NKIRAS1: variants seen among roughly 807,000 people sequenced by gnomAD.
The protein encoded by NKIRAS1 is NF-kappa-B inhibitor-interacting Ras-like protein 1.
Under a neutral mutation model 19.8 loss-of-function variants are expected in NKIRAS1, and 16 were observed. That is an observed-to-expected ratio of 0.81 (90% CI 0.55 to 1.23). The LOEUF is 1.23. NKIRAS1 is among the 50% of genes most tolerant of loss of function. The pLI is 0.00. For synonymous variants in NKIRAS1, 88 were observed against 79.0 expected, an observed-to-expected ratio of 1.11 and a Z score of -0.61; for missense variants, 184 against 220.0, an observed-to-expected ratio of 0.84 and a Z score of 1.04.
chr3:23,896,933 C>T (rs1575065316), intron 4 of NKIRAS1, among the ~76,000 whole-genome samples: 1 of 151,710 alleles, frequency 6.6e-6, no homozygotes, highest in Admixed American at 6.6e-5. Flanking sequence ...GCTAGGCACA[C>T]GGTGGCTCAC....
intron 3 of NKIRAS1, among the ~76,000 whole-genome samples, chr3:23,902,733 G>C (rs1383045862): frequency 6.6e-6 from 1 of 152,154 alleles, no homozygotes; most frequent in Non-Finnish European, 1.5e-5. Flanking sequence ...CCACGCTGCT[G>C]GGCAACTACC....
At chr3:23,901,072 C>T (rs1202789047) in intron 3 of NKIRAS1, 23 bp from the exon 4 acceptor site, 7 of 1,610,900 alleles carry the variant, frequency 4.3e-6, no homozygotes, top group South Asian at 1.1e-5. Flanking sequence ...AAACAAATTA[C>T]TCTTTTTGGC....
intron 1 of NKIRAS1, among the ~76,000 whole-genome samples, chr3:23,928,467 T>C (rs1705248063): frequency 2.0e-5 from 3 of 151,994 alleles, no homozygotes; most frequent in Admixed American, 6.6e-5. Context: ...CATGTTTGGC[T>C]TGTACAGAAA....
rs1701595011 is a variant in NKIRAS1, at chr3:23,893,078, G to A, written c.*17C>T. The A allele has an allele frequency of 1.3e-6, 2 of 1,536,488 alleles. No homozygotes were observed. The highest frequency in any genetic ancestry group is 1.7e-6 in the Non-Finnish European group (2 of 1,146,032). ...GGCAATCACTATTCAACATACAATT[G>A]TGGAAATTACTGATTTTTAGTTCTC... On this transcript the variant is annotated 3_prime_UTR_variant, in exon 5 of 5. Transcript: ENST00000425478.
chr3:23,902,955 C>T (rs895212396), intron 3 of NKIRAS1, among the ~76,000 whole-genome samples: 6 of 152,228 alleles, frequency 3.9e-5, no homozygotes, highest in African/African-American at 1.2e-4. Context: ...TTATCCCCAT[C>T]CAGGGGAATC....
chr3:23,919,973 T>C (rs1704981338), upstream of NKIRAS1: 2 of 988,000 alleles, frequency 2.0e-6, no homozygotes, highest in Non-Finnish European at 2.4e-6. Flanking sequence ...TGCCTCAGCC[T>C]CCACAGTACC....
At chr3:23,893,367 C>G in intron 4 of NKIRAS1, 30 bp from the exon 5 acceptor site, 1 of 1,586,310 alleles carries the variant, frequency 6.3e-7, no homozygotes, top group South Asian at 1.1e-5. Context: ...AAAGATCATA[C>G]TAGTACTTTG....
At chr3:23,930,125 G>C (rs1362137431) in intron 1 of NKIRAS1, among the ~76,000 whole-genome samples, 1 of 152,152 alleles carries the variant, frequency 6.6e-6, no homozygotes, top group Admixed American at 6.6e-5. Flanking sequence ...AAGAATTACA[G>C]AACCCAGATC....
chr3:23,937,746 T>TA (rs952867068), intron 1 of NKIRAS1, among the ~76,000 whole-genome samples: 43 of 152,270 alleles, frequency 2.8e-4, no homozygotes, highest in African/African-American at 1.0e-3. Context: ...ATGCAGCACT[T>TA]AAAAAAATTC....
intron 3 of NKIRAS1, 108 bp downstream of exon 3, chr3:23,910,703 T>G: frequency 2.6e-6 from 2 of 755,940 alleles, no homozygotes; most frequent in Non-Finnish European, 4.6e-6. Flanking sequence ...CCCTCTGGAT[T>G]ATACCTCCCC....
At chr3:23,928,174 C>T (rs1170386643) in intron 1 of NKIRAS1, among the ~76,000 whole-genome samples, 1 of 151,474 alleles carries the variant, frequency 6.6e-6, no homozygotes, top group Non-Finnish European at 1.5e-5. Flanking sequence ...TAGCCCACAC[C>T]TGTAGTCTCA....
chr3:23,928,008 A>G (rs1470131721), intron 1 of NKIRAS1, among the ~76,000 whole-genome samples: 1 of 151,942 alleles, frequency 6.6e-6, no homozygotes, highest in East Asian at 1.9e-4. Flanking sequence ...GAGCCTGGGA[A>G]GTCGAAGCTA....
At chr3:23,924,294 C>T (rs1211146642) in intron 1 of NKIRAS1, 2 of 152,226 alleles carry the variant, frequency 1.3e-5, no homozygotes, top group African/African-American at 4.8e-5. Context: ...GTTTGCTTTA[C>T]AGTGGCTTTC....
Position 23,927,318 on chromosome 3 carries a change from G to A in NKIRAS1, c.-139-15868C>T, listed in dbSNP as rs1027151046. On this transcript the variant is annotated intron_variant, in intron 1 of 4. Transcript: ENST00000421515. The surrounding 1 kb of genome is among the most constrained non-coding windows in gnomAD (Gnocchi z 4.0). ...GAGGATCCCTTGAGGCCAGGAGTTC[G>A]AGACCAGTCCAGTCAACATAGTGAG... Among the ~76,000 whole-genome samples, 4 of 151,734 alleles carry A rather than the reference G, an allele frequency of 2.6e-5. No homozygotes were observed. In the South Asian group the frequency reaches 6.2e-4, roughly 24 times the overall value.
At chr3:23,906,158 C>CAAAA (rs377092022) in intron 3 of NKIRAS1, among the ~76,000 whole-genome samples, 2 of 98,780 alleles carry the variant, frequency 2.0e-5, no homozygotes, top group Admixed American at 1.2e-4. Context: ...GACTCCGTCT[C>CAAAA]AAAAAAAAAA....
At chr3:23,918,004 C>T (rs1368142965), upstream of NKIRAS1, 10 of 1,610,170 alleles carry the variant, frequency 6.2e-6, no homozygotes, top group Non-Finnish European at 8.5e-6. Flanking sequence ...TGATAAAGCG[C>T]GCCGACTGGG....
At chr3:23,901,163 T>A in intron 3 of NKIRAS1, 114 bp from the exon 4 acceptor site, 1 of 1,102,596 alleles carries the variant, frequency 9.1e-7, no homozygotes, top group Non-Finnish European at 1.3e-6. Flanking sequence ...CATATAATAA[T>A]CACATTTCTA....
At chr3:23,937,567 TC>T (rs1315232422) in intron 1 of NKIRAS1, among the ~76,000 whole-genome samples, 1 of 151,748 alleles carries the variant, frequency 6.6e-6, no homozygotes, top group Non-Finnish European at 1.5e-5. Context: ...TTTTTTTTTT[TC>T]CCTCACCCCA....
rs1293911683 is a variant in NKIRAS1 at position 23,892,091 on chromosome 3, AAT to A, written c.*1002_*1003del. 6.6e-6 allele frequency: 1 copy of A among 152,256 alleles called. No individual in the cohort carries two copies. The highest frequency in any genetic ancestry group is 2.4e-5 in the African/African-American group (1 of 41,466). 9.4% of individuals were successfully genotyped at this position (152,256 alleles called of 1,614,324 possible). A position where few individuals can be genotyped will look rare whatever the true frequency, so the allele number is the denominator to read the frequency against. ...GATGTTACAAATTACTTGATGTTTT[AAT>A]ATGTTCTTTGTTGAATAGCTTATTT... On this transcript the variant is annotated 3_prime_UTR_variant, in exon 5 of 5. Coordinates refer to ENST00000425478, the MANE Select transcript of NKIRAS1 (RefSeq NM_020345.4).
Sources: allele counts gnomAD v4.1 joint callset (sites outside exome capture counted in the v4.1 genomes callset), GRCh38; gene constraint gnomAD v4.1.1; non-coding constraint Gnocchi (gnomAD v3.1); transcripts MANE v1.5; gene names NCBI Gene and HGNC (gene_info 2026-07-23, HGNC 2026-07-21).